CLRN2: variants seen among roughly 807,000 people sequenced by gnomAD.
The protein encoded by CLRN2 is clarin 2.
Under a neutral mutation model 20.1 loss-of-function variants are expected in CLRN2, and 17 were observed. The observed-to-expected ratio is 0.85, with a 90% CI of 0.58 to 1.27. The LOEUF (loss-of-function observed/expected upper bound fraction) is 1.27. CLRN2 is among the 50% of genes most tolerant of loss of function. The pLI, the probability that CLRN2 is intolerant of heterozygous loss-of-function variation, is 0.00. For missense variants in CLRN2, 288 were observed against 299.5 expected, an observed-to-expected ratio of 0.96 and a Z score of 0.28; for synonymous variants, 140 against 126.9, an observed-to-expected ratio of 1.10 and a Z score of -0.70.
rs544368179 is a variant in CLRN2 at position 17,522,950 on chromosome 4, G to T, written c.340G>T (p.Val114Phe). The T allele has an allele frequency of 5.6e-6, 9 of 1,614,012 alleles. No homozygotes were observed. Among genetic ancestry groups the T allele is most frequent in the Middle Eastern group, 3.3e-4 (2 of 6,056 alleles). Residue 114 changes from valine to phenylalanine, a missense_variant, in exon 2 of 3, where the codon GTC becomes TTC. Transcript: ENST00000511148. ...LLFLALALAL[V>F]SMGFAILNMI... ...CTTCCTGGCCTTGGCCCTGGCTCTG[G>T]TCAGCATGGGCTTTGCCATTCTTAA...
At chr4:17,521,855 T>C (rs1322546779) in intron 1 of CLRN2, among the ~76,000 whole-genome samples, 1 of 152,176 alleles carries the variant, frequency 6.6e-6, no homozygotes, top group Non-Finnish European at 1.5e-5. Flanking sequence ...CTGAGGCAGA[T>C]CTCAAAGATA....
chr4:17,515,247 GA>G lies in CLRN2; in HGVS notation c.-19del. ...CTCGCTGCTGCTCGGAGACCTTGGGGATGACCTGCACCCACTAGCATGCCTG... is the reference window on the plus strand; with the variant it reads ...CTCGCTGCTGCTCGGAGACCTTGGGGTGACCTGCACCCACTAGCATGCCTG... On this transcript the variant is annotated 5_prime_UTR_variant, in exon 1 of 3. An upstream start codon of the reference 5' UTR is lost. Transcript: ENST00000511148. 1.2e-6 allele frequency: 2 copies of G among 1,611,270 alleles called. No individual in the cohort carries two copies. The highest frequency in any genetic ancestry group is 8.5e-7 in the Non-Finnish European group (1 of 1,178,450).
intron 1 of CLRN2, among the ~76,000 whole-genome samples, chr4:17,518,943 A>G (rs1711763695): frequency 6.6e-6 from 1 of 152,226 alleles, no homozygotes; most frequent in Admixed American, 6.5e-5. Flanking sequence ...TGAGGAAATT[A>G]GAGACCAGAG....
chr4:17,521,666 A>C (rs1711840015), intron 1 of CLRN2, among the ~76,000 whole-genome samples: 1 of 152,254 alleles, frequency 6.6e-6, no homozygotes, highest in South Asian at 2.1e-4. Flanking sequence ...GGTGTATTCC[A>C]GAGAAGAAAG....
intron 2 of CLRN2, 146 bp from the exon 3 acceptor site, chr4:17,526,671 C>T (rs761281105): frequency 1.8e-5 from 16 of 883,562 alleles, no homozygotes; most frequent in Admixed American, 5.1e-5. Context: ...TGGGTTATCT[C>T]CTACTTTTAA....
chr4:17,517,341 G>A (rs555920405), intron 1 of CLRN2, among the ~76,000 whole-genome samples: 131 of 152,312 alleles, frequency 8.6e-4, no homozygotes, highest in African/African-American at 2.8e-3. Flanking sequence ...AGACACGAGG[G>A]AGAGGGGAGG....
In CLRN2 at chr4:17,520,404, T is replaced by A. The variant is rs561528478; in HGVS notation, c.254-2460T>A. Among the ~76,000 whole-genome samples, 92 of 152,350 alleles carry A rather than the reference T, an allele frequency of 6.0e-4. 1 individual carries two copies. The South Asian group carries it at 0.011, about 17-fold the overall frequency. ...TATTCACATACTGTTTTTTCTCCAA[T>A]CTTTTGCTATTGTAATGAATATCCA... On this transcript the variant is annotated intron_variant, in intron 1 of 2. Transcript: ENST00000511148.
intron 1 of CLRN2, among the ~76,000 whole-genome samples, chr4:17,517,299 T>C (rs1219252109): frequency 6.6e-6 from 1 of 152,132 alleles, no homozygotes; most frequent in African/African-American, 2.4e-5. Context: ...AACAACCTCA[T>C]CCTGTGCTTA....
At chr4:17,515,659 C>T in intron 1 of CLRN2, 140 bp downstream of exon 1, 1 of 886,258 alleles carries the variant, frequency 1.1e-6, no homozygotes, top group Non-Finnish European at 1.7e-6. Context: ...GCCAAGGGTT[C>T]TGGATCCACA....
intron 1 of CLRN2, among the ~76,000 whole-genome samples, chr4:17,519,591 CTGTTGTCATTTATCACCATGAATCG>C (rs1213193258): frequency 2.8e-5 from 4 of 143,032 alleles, no homozygotes; most frequent in Admixed American, 2.2e-4. Flanking sequence ...ATATAGGTGG[CTGTTGTCATTTATCACCATGAATCG>C]TGTTGTCATT....
intron 1 of CLRN2, among the ~76,000 whole-genome samples, chr4:17,517,689 A>G (rs1298602000): frequency 1.3e-5 from 2 of 152,126 alleles, no homozygotes; most frequent in African/African-American, 4.8e-5. Flanking sequence ...AAGCATCAGA[A>G]CCCTGTGAGA....
At chr4:17,526,380 T>C (rs1405700074) in intron 2 of CLRN2, among the ~76,000 whole-genome samples, 1 of 152,096 alleles carries the variant, frequency 6.6e-6, no homozygotes, top group Non-Finnish European at 1.5e-5. Flanking sequence ...GGCAACATGA[T>C]GAAACCCCAT....
In CLRN2 at chr4:17,522,845, CT is replaced by C; in HGVS notation, c.254-18del. The C allele has an allele frequency of 6.2e-7, 1 of 1,607,930 alleles. No homozygotes were observed. The highest frequency in any genetic ancestry group is 8.5e-7 in the Non-Finnish European group (1 of 1,175,840). On this transcript the variant is annotated intron_variant, in intron 1 of 2. Transcript: ENST00000511148. ...TCTAACTCTGACATTGAAATAGTGG[CT>C]GTGTCTTGTCTCCCCAGTCTTCCCA...
At position 17,522,955 on chromosome 4, in the gene CLRN2, C is replaced by A; in HGVS notation, c.345C>A (p.Ser115Arg). Residue 115 changes from serine to arginine, a missense_variant, in exon 2 of 3, where the codon AGC becomes AGA. Ser to Arg is a moderately radical substitution (Grantham distance 110, BLOSUM62 -1). Transcript: ENST00000511148. ...TGGCCTTGGCCCTGGCTCTGGTCAG[C>A]ATGGGCTTTGCCATTCTTAACATGA... ...LFLALALALV[S>R]MGFAILNMIQ... The A allele has an allele frequency of 6.2e-7, 1 of 1,614,032 alleles. No homozygotes were observed. Among genetic ancestry groups the A allele is most frequent in the Non-Finnish European group, 8.5e-7 (1 of 1,179,896 alleles).
intron 1 of CLRN2, among the ~76,000 whole-genome samples, chr4:17,517,128 C>A (rs775818954): frequency 5.9e-5 from 9 of 152,176 alleles, no homozygotes; most frequent in Non-Finnish European, 8.8e-5. Context: ...GTTGAGCCCA[C>A]AGAGCAGACA....
intron 1 of CLRN2, among the ~76,000 whole-genome samples, chr4:17,518,634 G>A (rs1470724679): frequency 6.6e-6 from 1 of 152,118 alleles, no homozygotes; most frequent in African/African-American, 2.4e-5. Context: ...GGTGGCAGGT[G>A]CCTGTAATCC....
chr4:17,524,717 A>G (rs1031448175), intron 2 of CLRN2, among the ~76,000 whole-genome samples: 1 of 151,946 alleles, frequency 6.6e-6, no homozygotes, highest in African/African-American at 2.4e-5. Context: ...TATTAGCAAC[A>G]GGCAAAAAAG....
Position 17,515,473 on chromosome 4 carries a change from T to A in CLRN2, c.207T>A (p.Cys69Ter). 1.2e-6 allele frequency: 2 copies of A among 1,613,964 alleles called. No homozygotes were observed. The highest frequency in any genetic ancestry group is 1.7e-6 in the Non-Finnish European group (2 of 1,179,886). Residue 69 changes from cysteine to a stop codon, truncating the protein, a stop_gained, in exon 1 of 3, where the codon TGT becomes TGA. Transcript: ENST00000511148. LOFTEE classifies it high-confidence loss of function. Reference protein sequence around the residue: ...GDIYYGLFRGCKVRQCGLGGR... With the variant: ...GDIYYGLFRG ...TTTACTACGGGCTCTTCCGAGGGTG[T>A]AAAGTGCGGCAGTGTGGGCTTGGGG... is the stretch of plus-strand genomic sequence containing the variant.
At chr4:17,520,909 T>C (rs867065348) in intron 1 of CLRN2, among the ~76,000 whole-genome samples, 1 of 152,028 alleles carries the variant, frequency 6.6e-6, no homozygotes, top group Non-Finnish European at 1.5e-5. Flanking sequence ...TCCCAGCTAT[T>C]GGAAAGGCTG....
Sources: allele counts gnomAD v4.1 joint callset (sites outside exome capture counted in the v4.1 genomes callset), GRCh38; gene constraint gnomAD v4.1.1; transcripts MANE v1.5; gene names NCBI Gene and HGNC (gene_info 2026-07-23, HGNC 2026-07-21).